PTPRG: variants seen among roughly 807,000 people sequenced by gnomAD.
The protein encoded by PTPRG is protein tyrosine phosphatase receptor type G.
Under a neutral mutation model 165.3 loss-of-function variants are expected in PTPRG, and 102 were observed. The ratio of observed to expected loss-of-function variants is 0.62; its 90% CI spans 0.53 to 0.73. PTPRG has a LOEUF of 0.73. Among genes scored for constraint, PTPRG ranks in the 30% least tolerant of loss-of-function variants. PTPRG has a pLI of 0.00. For synonymous variants in PTPRG, 675 were observed against 669.5 expected (o/e 1.01, Z -0.13); for missense variants, 1,866 against 1,861.4 (o/e 1.00, Z -0.05).
chr3:62,050,463 A>G (rs1448056608), intron 4 of PTPRG, among the ~76,000 whole-genome samples: 2 of 152,230 alleles, frequency 1.3e-5, no homozygotes, highest in East Asian at 1.9e-4. Context: ...CTCAGCAACA[A>G]TGAAATCGCC....
At chr3:61,838,060 T>C (rs2036523620) in intron 2 of PTPRG, among the ~76,000 whole-genome samples, 2 of 152,152 alleles carry the variant, frequency 1.3e-5, no homozygotes, top group Middle Eastern at 3.2e-3. Flanking sequence ...CTTCAACATA[T>C]GAATGTTGCA....
chr3:62,129,399 A>G (rs544331967), intron 5 of PTPRG, among the ~76,000 whole-genome samples: 2 of 152,324 alleles, frequency 1.3e-5, no homozygotes, highest in African/African-American at 4.8e-5. Flanking sequence ...CTGTCACAGA[A>G]TGCCACACTG....
intron 2 of PTPRG, among the ~76,000 whole-genome samples, chr3:61,834,332 A>C (rs1183021696): frequency 6.6e-6 from 1 of 152,104 alleles, no homozygotes; most frequent in Non-Finnish European, 1.5e-5. Flanking sequence ...TTTTTCTCAA[A>C]GATACTACCC....
chr3:61,994,661 T>C (rs1362559684), intron 3 of PTPRG, among the ~76,000 whole-genome samples: 6 of 152,172 alleles, frequency 3.9e-5, no homozygotes, highest in Non-Finnish European at 8.8e-5. Flanking sequence ...TCTTAGAAGT[T>C]TTTAGTAGAG....
At chr3:61,835,088 G>A (rs2036420395) in intron 2 of PTPRG, among the ~76,000 whole-genome samples, 1 of 152,202 alleles carries the variant, frequency 6.6e-6, no homozygotes. Flanking sequence ...CATCATAAAT[G>A]TCAGGTTCAT....
At chr3:61,912,222 A>C (rs2038819588) in intron 2 of PTPRG, among the ~76,000 whole-genome samples, 1 of 152,080 alleles carries the variant, frequency 6.6e-6, no homozygotes, top group Non-Finnish European at 1.5e-5. Context: ...CTTTATATAT[A>C]ATTTCCATGG....
At position 61,862,463 on chromosome 3, in the gene PTPRG, C is replaced by A. The variant is rs1416940960; in HGVS notation, c.190+113481C>A. ...ATGGCGTGATCTTGGCTCACCACAACCTCCACCTCTGCCTCCTGGGTTCCA... is the reference window on the plus strand; with the variant it reads ...ATGGCGTGATCTTGGCTCACCACAAACTCCACCTCTGCCTCCTGGGTTCCA... On this transcript the variant is annotated intron_variant, in intron 2 of 29. Coordinates refer to ENST00000474889, the MANE Select transcript of PTPRG (RefSeq NM_002841.4). Among the ~76,000 whole-genome samples the A allele has an allele frequency of 2.0e-5, 3 of 151,008 alleles. No individual in the cohort carries two copies. The East Asian group carries it at 5.8e-4, about 29-fold the overall frequency.
rs1260061643 is a variant in PTPRG at position 61,724,217 on chromosome 3, C to CAA, written c.86-24648_86-24647dup. 1.5e-3 allele frequency among the ~76,000 whole-genome samples: 193 copies of CAA among 128,646 alleles called. 2 individuals are homozygous for CAA. The highest frequency in any genetic ancestry group is 2.3e-3 in the South Asian group (9 of 3,888). 84.4% of individuals were successfully genotyped at this position (128,646 alleles called of 152,430 possible). On this transcript the variant is annotated intron_variant, in intron 1 of 29. Transcript: ENST00000474889. ...GGTGACAGAGTGAGACTCCCATCTC[C>CAA]AAAAAAAAAAAAAAGTAGTTATATA...
chr3:61,711,501 T>G (rs1335580360), intron 1 of PTPRG, among the ~76,000 whole-genome samples: 1 of 152,188 alleles, frequency 6.6e-6, no homozygotes, highest in African/African-American at 2.4e-5. Context: ...TGGTTTTGAT[T>G]TGCATTTCTC....
At chr3:61,722,736 T>C (rs1478009993) in intron 1 of PTPRG, among the ~76,000 whole-genome samples, 3 of 152,386 alleles carry the variant, frequency 2.0e-5, no homozygotes, top group East Asian at 1.9e-4. Flanking sequence ...TTTTATGTTA[T>C]GTCTGTTTAT....
intron 1 of PTPRG, among the ~76,000 whole-genome samples, chr3:61,740,533 C>T (rs1048345003): frequency 4.6e-5 from 7 of 151,728 alleles, no homozygotes; most frequent in African/African-American, 1.7e-4. Flanking sequence ...CATTTTAGCC[C>T]TTATTTATTT....
intron 1 of PTPRG, among the ~76,000 whole-genome samples, chr3:61,704,232 C>T (rs778225653): frequency 6.6e-6 from 1 of 152,122 alleles, no homozygotes; most frequent in East Asian, 1.9e-4. Context: ...AACTGTACTT[C>T]AGTTTGTCCA....
Position 62,073,120 on chromosome 3 carries a change from AC to A in PTPRG, c.520-5042del, listed in dbSNP as rs1458864711. Among the ~76,000 whole-genome samples, 11 of 152,336 alleles carry A rather than the reference AC, an allele frequency of 7.2e-5. No individual in the cohort carries two copies. In the South Asian group the frequency reaches 2.3e-3, roughly 32 times the overall value. On this transcript the variant is annotated intron_variant, in intron 4 of 29. Transcript: ENST00000474889. ...CTGATAATGGATTGAATAAATAGAAACAAAAATAAACAAGTCCATATGGATG... is the reference window on the plus strand; with the variant it reads ...CTGATAATGGATTGAATAAATAGAAAAAAAATAAACAAGTCCATATGGATG...
intron 5 of PTPRG, among the ~76,000 whole-genome samples, chr3:62,129,396 A>G (rs2106917742): frequency 6.6e-6 from 1 of 152,350 alleles, no homozygotes; most frequent in Non-Finnish European, 1.5e-5. Context: ...CTGCTGTCAC[A>G]GAATGCCACA....
At chr3:61,772,840 G>A (rs2034251186) in intron 2 of PTPRG, among the ~76,000 whole-genome samples, 2 of 152,132 alleles carry the variant, frequency 1.3e-5, no homozygotes, top group Admixed American at 1.3e-4. Flanking sequence ...TCAAAAATAG[G>A]GTTGCTAGAT....
chr3:61,913,343 C>T lies in PTPRG; in HGVS notation c.191-76282C>T, dbSNP rs143273983. On this transcript the variant is annotated intron_variant, in intron 2 of 29. Transcript: ENST00000474889. The stretch of plus-strand genomic sequence containing the variant: ...CATGCCATTCTCCTGCCTCAGCCTC[C>T]CGAGTAGCTGGGACTACAGGTGCCC... Among the ~76,000 whole-genome samples the T allele has an allele frequency of 4.2e-3, 632 of 152,248 alleles. 4 individuals are homozygous for T. The highest frequency in any genetic ancestry group is 0.013 in the African/African-American group (523 of 41,550).
intron 1 of PTPRG, among the ~76,000 whole-genome samples, chr3:61,676,613 C>T (rs749742775): frequency 3.3e-5 from 5 of 152,012 alleles, no homozygotes; most frequent in East Asian, 1.9e-4. Context: ...GATGTCTTGG[C>T]GCCTTGATAT....
rs1486336529 is a variant in PTPRG, at chr3:62,269,079, T to C, written c.2919T>C (p.Tyr973=). 5 of 1,606,898 alleles carry C rather than the reference T, an allele frequency of 3.1e-6. No homozygotes were observed. Among genetic ancestry groups the C allele is most frequent in the East Asian group, 2.2e-5 (1 of 44,696 alleles). The change falls in exon 20 of 30, where the codon TAT becomes TAC. Residue 973 remains tyrosine (Y), a synonymous_variant. Transcript: ENST00000474889. ...QYWPTENSEE[Y]GNIIVTLKST... Reference sequence around the variant, plus strand: ...GGCCAACAGAGAACAGTGAGGAATATGGAAACATTATTGTCACGCTGAAGA... The same window carrying C: ...GGCCAACAGAGAACAGTGAGGAATACGGAAACATTATTGTCACGCTGAAGA...
chr3:62,165,277 G>A (rs1704926501), intron 7 of PTPRG, among the ~76,000 whole-genome samples: 1 of 152,060 alleles, frequency 6.6e-6, no homozygotes, highest in Non-Finnish European at 1.5e-5. Flanking sequence ...TCTCCAGAGG[G>A]TCTTTGTTAA....
Sources: allele counts gnomAD v4.1 joint callset (sites outside exome capture counted in the v4.1 genomes callset), GRCh38; gene constraint gnomAD v4.1.1; transcripts MANE v1.5; gene names NCBI Gene and HGNC (gene_info 2026-07-23, HGNC 2026-07-21).